The following CCDC57 variants were observed in gnomAD, a reference collection of about 807,000 sequenced individuals.
CCDC57 encodes coiled-coil domain containing 57, also known as coiled-coil domain-containing protein 57.
CCDC57 carries 118 observed loss-of-function variants against 118.9 expected under a neutral mutation model. The ratio of observed to expected loss-of-function variants is 0.99; its 90% CI spans 0.86 to 1.16. The LOEUF is 1.16. CCDC57 is among the 50% of genes most tolerant of loss of function. CCDC57 has a pLI of 0.00. For missense variants in CCDC57, 1,300 were observed against 1,320.7 expected, an observed-to-expected ratio of 0.98 and a Z score of 0.24; for synonymous variants, 527 against 532.9, an observed-to-expected ratio of 0.99 and a Z score of 0.15.
At chr17:82,188,107 T>A (rs4789730) in intron 8 of CCDC57, 112 bp downstream of exon 7, 357,254 of 789,584 alleles carry the variant, frequency 0.45, 85,343 homozygotes, top group East Asian at 0.89. Flanking sequence ...CAGAAGCCAC[T>A]CTGTCTGCTG....
chr17:82,121,875 C>T (rs931584215), intron 19 of CCDC57, among the ~76,000 whole-genome samples: 1 of 152,210 alleles, frequency 6.6e-6, no homozygotes, highest in Admixed American at 6.5e-5. Flanking sequence ...GTTCACGTCA[C>T]TTTCATATCC....
chr17:82,201,512 G>A, intron 3 of CCDC57, 26 bp downstream of exon 2: 12 of 1,556,772 alleles, frequency 7.7e-6, no homozygotes, highest in Non-Finnish European at 1.0e-5. Context: ...GCACTGCACA[G>A]GAGGGCGCGT....
At chr17:82,186,690 C>G (rs2046965823) in intron 8 of CCDC57, among the ~76,000 whole-genome samples, 1 of 152,102 alleles carries the variant, frequency 6.6e-6, no homozygotes, top group Non-Finnish European at 1.5e-5. Context: ...GCCTATAATC[C>G]CAGCACTTTG....
chr17:82,130,913 G>C (rs2038264490), intron 17 of CCDC57, among the ~76,000 whole-genome samples: 1 of 150,930 alleles, frequency 6.6e-6, no homozygotes, highest in Non-Finnish European at 1.5e-5. Flanking sequence ...CTAGGTTCAA[G>C]TGATTCTCCT....
intron 19 of CCDC57, among the ~76,000 whole-genome samples, chr17:82,108,573 A>G (rs1449101618): frequency 6.6e-6 from 1 of 152,162 alleles, no homozygotes; most frequent in Non-Finnish European, 1.5e-5. Flanking sequence ...CAAGACGCAC[A>G]GCAGATTTTC....
rs1282813733 is a variant in CCDC57, at chr17:82,172,886, A to G, written c.1507-26T>C. 5.7e-6 allele frequency: 9 copies of G among 1,585,814 alleles called. No individual in the cohort carries two copies. The highest frequency in any genetic ancestry group is 2.7e-5 in the African/African-American group (2 of 74,544). ...CTGTCAAATACAAGGAAAAATGGCTACAAAAAGATGAATGGTTCCCCAGCT... is the reference window on the plus strand; with the variant it reads ...CTGTCAAATACAAGGAAAAATGGCTGCAAAAAGATGAATGGTTCCCCAGCT... On this transcript the variant is annotated intron_variant, in intron 11 of 19. Transcript: ENST00000665763. The surrounding 1 kb of genome is among the most constrained non-coding windows in gnomAD (Gnocchi z 5.2).
intron 19 of CCDC57, chr17:82,126,285 G>GAAAA: frequency 3.5e-6 from 2 of 565,934 alleles, no homozygotes; most frequent in Non-Finnish European, 2.2e-6. Context: ...CATCTCAAAG[G>GAAAA]AAAAAAAAAA....
intron 19 of CCDC57, among the ~76,000 whole-genome samples, chr17:82,119,097 CGGGGGTGGGGGT>C (rs1475415797): frequency 2.3e-5 from 1 of 44,242 alleles, no homozygotes; most frequent in African/African-American, 7.1e-5. Flanking sequence ...GAGGTGGGGG[CGGGGGTGGGGGT>C]GGGAGTGGGG....
intron 13 of CCDC57, among the ~76,000 whole-genome samples, chr17:82,165,965 G>A (rs2043941975): frequency 6.6e-6 from 1 of 152,114 alleles, no homozygotes; most frequent in South Asian, 2.1e-4. Context: ...ATAAGAACTG[G>A]AATTTCATAA....
intron 15 of CCDC57, chr17:82,151,977 T>TA: frequency 1.7e-6 from 1 of 576,206 alleles, no homozygotes; most frequent in Non-Finnish European, 3.1e-6. Context: ...ACAAATAGAA[T>TA]AAAGGCCCAC....
chr17:82,175,823 C>T (rs1234726317), intron 11 of CCDC57, among the ~76,000 whole-genome samples: 2 of 152,170 alleles, frequency 1.3e-5, no homozygotes, highest in Non-Finnish European at 2.9e-5. Context: ...ATTTTGGTAA[C>T]CACAGGGAGA....
In CCDC57 at chr17:82,172,610, G is replaced by A. The variant is rs577404825; in HGVS notation, c.1729+28C>T. On this transcript the variant is annotated intron_variant, in intron 12 of 19. Coordinates refer to ENST00000665763, the Ensembl canonical transcript of CCDC57. This position sits in a 1 kb window ranked among gnomAD's most constrained non-coding sequence, Gnocchi z 5.2. The stretch of plus-strand genomic sequence containing the variant: ...CCCTCCCTCTCCCCCTTCCTCTCCC[G>A]CTCTGTCCGTTTCTCCCACTTACTC... 1.8e-4 allele frequency: 270 copies of A among 1,536,768 alleles called. 4 individuals are homozygous for A. The South Asian group carries it at 2.3e-3, about 13-fold the overall frequency.
At chr17:82,125,810 C>T (rs1039322974) in intron 19 of CCDC57, among the ~76,000 whole-genome samples, 7 of 152,350 alleles carry the variant, frequency 4.6e-5, no homozygotes, top group Middle Eastern at 3.4e-3. Context: ...GGAAGTGACA[C>T]TGATTCTGAC....
At chr17:82,178,946 G>T in intron 10 of CCDC57, 81 bp downstream of exon 9, 2 of 1,439,054 alleles carry the variant, frequency 1.4e-6, no homozygotes, top group South Asian at 1.3e-5. Context: ...AGAACCATTT[G>T]GTAAGAACCA....
Position 82,150,913 on chromosome 17 carries a change from GCACCCAGAACCAGGCGCA to G in CCDC57, c.2455+629_2455+646del, listed in dbSNP as rs1475279002. Among the ~76,000 whole-genome samples, 52 of 8,692 alleles carry G rather than the reference GCACCCAGAACCAGGCGCA, an allele frequency of 6.0e-3. 3 individuals are homozygous for G. Among genetic ancestry groups the G allele is most frequent in the African/African-American group, 0.018 (50 of 2,852 alleles). The allele number at this position is 8,692 out of a possible 152,430, so 5.7% of individuals were successfully genotyped here. A position where few individuals can be genotyped will look rare whatever the true frequency, so the allele number is the denominator to read the frequency against. Reference sequence around the variant, plus strand: ...CTGACCCACACCCAGAACCTGACCCGCACCCAGAACCAGGCGCACACCCAGAACCAGGCGCACACCCAG... The same window carrying G: ...CTGACCCACACCCAGAACCTGACCCGCACCCAGAACCAGGCGCACACCCAG... On this transcript the variant is annotated intron_variant, in intron 16 of 19. Coordinates refer to ENST00000665763, the Ensembl canonical transcript of CCDC57.
At chr17:82,119,510 C>T (rs75112425) in intron 19 of CCDC57, among the ~76,000 whole-genome samples, 236 of 152,048 alleles carry the variant, frequency 1.6e-3, no homozygotes, top group Middle Eastern at 6.8e-3. Context: ...TGAAGCAGAC[C>T]GATAGAATCA....
chr17:82,128,529 C>T, exon 18 of CCDC57: 1 of 1,573,260 alleles, frequency 6.4e-7, no homozygotes, highest in African/African-American at 1.4e-5. Flanking sequence ...TGCTGCCCAC[C>T]TGTGCTGAGC....
intron 17 of CCDC57, among the ~76,000 whole-genome samples, chr17:82,132,279 T>C (rs963863200): frequency 3.9e-5 from 6 of 152,182 alleles, no homozygotes; most frequent in African/African-American, 1.4e-4. Context: ...AGACAACTCA[T>C]TGGAACTGTG....
chr17:82,192,186 T>C lies in CCDC57; in HGVS notation c.851+1570A>G, dbSNP rs1045064358. Reference sequence around the variant, plus strand: ...TTTTCGTAGAGACGGGGTTTCACCATGTTGGTCAGGCTGGTCTCAAACTCC... The same window carrying C: ...TTTTCGTAGAGACGGGGTTTCACCACGTTGGTCAGGCTGGTCTCAAACTCC... On this transcript the variant is annotated intron_variant, in intron 7 of 19. Coordinates refer to ENST00000665763, the Ensembl canonical transcript of CCDC57. The surrounding 1 kb of genome is among the most constrained non-coding windows in gnomAD (Gnocchi z 4.0). 1.3e-5 allele frequency among the ~76,000 whole-genome samples: 2 copies of C among 152,080 alleles called. No homozygotes were observed. The highest frequency in any genetic ancestry group is 2.9e-5 in the Non-Finnish European group (2 of 68,006).
Sources: allele counts gnomAD v4.1 joint callset (sites outside exome capture counted in the v4.1 genomes callset), GRCh38; gene constraint gnomAD v4.1.1; non-coding constraint Gnocchi (gnomAD v3.1); transcripts MANE v1.5; gene names NCBI Gene and HGNC (gene_info 2026-07-23, HGNC 2026-07-21).